The following HS2ST1 variants were observed in gnomAD, a reference collection of about 807,000 sequenced individuals.
HS2ST1 encodes the protein heparan sulfate 2-O-sulfotransferase 1, also known as 2-O-sulfotransferase.
HS2ST1 carries 18 observed loss-of-function variants against 42.9 expected under a neutral mutation model. That is an observed-to-expected ratio of 0.42 (90% CI 0.29 to 0.62). The LOEUF (loss-of-function observed/expected upper bound fraction) is 0.62, where lower values mean the gene tolerates loss of function less well. Among genes scored for constraint, HS2ST1 ranks in the 20% least tolerant of loss-of-function variants. HS2ST1 has a pLI of 0.21. For missense variants in HS2ST1, 334 were observed against 433.8 expected, an observed-to-expected ratio of 0.77 and a Z score of 2.04; for synonymous variants, 146 against 152.9, an observed-to-expected ratio of 0.95 and a Z score of 0.33.
chr1:86,937,978 A>G (rs1368416701), intron 1 of HS2ST1, among the ~76,000 whole-genome samples: 1 of 152,140 alleles, frequency 6.6e-6, no homozygotes, highest in Admixed American at 6.5e-5. Flanking sequence ...ATTGCCCTTT[A>G]TTACATGTGT....
chr1:87,101,969 A>G (rs1380874432), intron 5 of HS2ST1, among the ~76,000 whole-genome samples: 1 of 152,224 alleles, frequency 6.6e-6, no homozygotes, highest in African/African-American at 2.4e-5. Flanking sequence ...GCTTACAATC[A>G]TGGCAGAAAG....
chr1:86,976,623 A>C (rs897890401), intron 1 of HS2ST1, among the ~76,000 whole-genome samples: 1 of 147,046 alleles, frequency 6.8e-6, no homozygotes, highest in Non-Finnish European at 1.5e-5. Flanking sequence ...ATTAAATGCT[A>C]TGAAAAAGAA....
chr1:86,924,337 G>T (rs1020233131), intron 1 of HS2ST1, among the ~76,000 whole-genome samples: 1 of 152,108 alleles, frequency 6.6e-6, no homozygotes, highest in Non-Finnish European at 1.5e-5. Context: ...CCAGGTGCAC[G>T]GTGCAAACTG....
Sources: allele counts gnomAD v4.1 joint callset (sites outside exome capture counted in the v4.1 genomes callset), GRCh38; gene constraint gnomAD v4.1.1; transcripts MANE v1.5; gene names NCBI Gene and HGNC (gene_info 2026-07-23, HGNC 2026-07-21).